UGGT1: variants seen among roughly 807,000 people sequenced by gnomAD.
UGGT1 encodes UDP-glucose glycoprotein glucosyltransferase 1, also known as UDP-glucose:glycoprotein glucosyltransferase 1.
In UGGT1, 107 loss-of-function variants were observed where a neutral mutation model predicts 203.9. That is an observed-to-expected ratio of 0.52 (90% CI 0.45 to 0.62). UGGT1 has a LOEUF of 0.62. Ranked by LOEUF, UGGT1 falls within the 20% of genes least tolerant of loss-of-function variation. UGGT1 has a pLI of 0.00. For missense variants in UGGT1, 1,673 were observed against 1,867.2 expected (o/e 0.90, Z 1.92); for synonymous variants, 628 against 653.5 (o/e 0.96, Z 0.59).
Position 128,186,693 on chromosome 2 carries a change from A to G in UGGT1, c.4370A>G (p.Asn1457Ser), listed in dbSNP as rs997699742. Residue 1457 changes from asparagine (N) to serine (S), a missense_variant, in exon 39 of 41, where the codon AAT (asparagine) becomes AGT (serine). Coordinates refer to ENST00000259253, the MANE Select transcript of UGGT1 (RefSeq NM_020120.4). ...SLSNLDQDLPNNMIHQVPIKS... is the reference protein window; with the variant it reads ...SLSNLDQDLPSNMIHQVPIKS... Reference sequence around the variant, plus strand: ...TTTTTAACCAAACAGGATCTGCCCAATAACATGATTCATCAGGTGCCAATT... The same window carrying G: ...TTTTTAACCAAACAGGATCTGCCCAGTAACATGATTCATCAGGTGCCAATT... The G allele has an allele frequency of 8.1e-6, 13 of 1,613,092 alleles. No individual in the cohort carries two copies. The highest frequency in any genetic ancestry group is 1.1e-5 in the Non-Finnish European group (13 of 1,179,380).
chr2:128,152,188 T>C (rs916982063), intron 18 of UGGT1, among the ~76,000 whole-genome samples: 28 of 152,054 alleles, frequency 1.8e-4, no homozygotes, highest in African/African-American at 6.3e-4. Flanking sequence ...TTTTTTTTTT[T>C]CCTTGGGACA....
chr2:128,145,823 G>C lies in UGGT1; in HGVS notation c.1872G>C (p.Glu624Asp), dbSNP rs142802070. The change falls in exon 18 of 41, where the codon GAG becomes GAC. Residue 624 changes from glutamate (E) to aspartate (D), a missense_variant. This residue lies in a region of UGGT1 where 1,073 missense variants were observed against 1,078.7 expected (regional missense o/e 0.99). Transcript: ENST00000259253. ...TTCAGGAAGCAAGAGGCTACTATGA[G>C]CAGACTGGAGTTGGACCTCTGCCCG... ...RNRKEARGYY[E>D]QTGVGPLPVV... The C allele has an allele frequency of 3.1e-6, 5 of 1,603,512 alleles. No homozygotes were observed. The highest frequency in any genetic ancestry group is 4.3e-6 in the Non-Finnish European group (5 of 1,173,598).
At chr2:128,160,660 C>G (rs1460935860) in intron 24 of UGGT1, 69 bp downstream of exon 24, 1 of 1,528,548 alleles carries the variant, frequency 6.5e-7, no homozygotes, top group Non-Finnish European at 8.8e-7. Flanking sequence ...TCCTCTGAAG[C>G]TAGTAAACTC....
intron 2 of UGGT1, among the ~76,000 whole-genome samples, chr2:128,101,480 T>G (rs983576564): frequency 5.3e-5 from 8 of 152,254 alleles, no homozygotes; most frequent in Non-Finnish European, 1.2e-4. Context: ...ATATGTTTTC[T>G]GCAGCTGTAG....
intron 5 of UGGT1, among the ~76,000 whole-genome samples, chr2:128,111,452 A>C (rs998201100): frequency 6.6e-6 from 1 of 152,204 alleles, no homozygotes; most frequent in African/African-American, 2.4e-5. Context: ...TAATATGCTG[A>C]ATGTCATCCT....
intron 5 of UGGT1, among the ~76,000 whole-genome samples, chr2:128,111,161 G>A (rs760703055): frequency 9.9e-5 from 15 of 152,114 alleles, no homozygotes; most frequent in Non-Finnish European, 1.6e-4. Context: ...CAGACCAACC[G>A]GTGCAACAAA....
chr2:128,111,545 G>T (rs577651497), intron 5 of UGGT1, among the ~76,000 whole-genome samples: 1 of 151,434 alleles, frequency 6.6e-6, no homozygotes, highest in Non-Finnish European at 1.5e-5. Flanking sequence ...TCGCTCTGTC[G>T]CCCAGGCTGG....
At chr2:128,114,480 T>A (rs2105372189) in intron 6 of UGGT1, among the ~76,000 whole-genome samples, 1 of 152,280 alleles carries the variant, frequency 6.6e-6, no homozygotes, top group Non-Finnish European at 1.5e-5. Context: ...TTTTTGATTC[T>A]CCCTCTGCCC....
chr2:128,144,880 T>C (rs1689607168), intron 17 of UGGT1, among the ~76,000 whole-genome samples: 1 of 152,194 alleles, frequency 6.6e-6, no homozygotes, highest in South Asian at 2.1e-4. Flanking sequence ...AATTACAAGG[T>C]GTGCGATAGA....
chr2:128,132,581 T>G (rs1228985075), intron 13 of UGGT1, among the ~76,000 whole-genome samples: 2 of 152,188 alleles, frequency 1.3e-5, no homozygotes, highest in African/African-American at 2.4e-5. Context: ...AAATTTCGCT[T>G]CTTTCTTTTA....
At chr2:128,160,051 C>A (rs1156321352) in intron 23 of UGGT1, among the ~76,000 whole-genome samples, 1 of 152,082 alleles carries the variant, frequency 6.6e-6, no homozygotes, top group Non-Finnish European at 1.5e-5. Context: ...TGATGTGTTT[C>A]CAGAATAAGC....
rs143559096 is a variant in UGGT1 at position 128,110,895 on chromosome 2, G to C, written c.521+1149G>C. ...AAGTCATTTCCTCCTGTTACAATAA[G>C]GCTATATGGAGCATCTGTATTCATG... On this transcript the variant is annotated intron_variant, in intron 5 of 40. Coordinates refer to ENST00000259253, the MANE Select transcript of UGGT1 (RefSeq NM_020120.4). 5.3e-3 allele frequency among the ~76,000 whole-genome samples: 802 copies of C among 152,224 alleles called. 12 individuals are homozygous for C. Among genetic ancestry groups the C allele is most frequent in the African/African-American group, 0.017 (709 of 41,534 alleles).
chr2:128,127,594 T>G (rs896028212), intron 12 of UGGT1, 142 bp downstream of exon 12: 1 of 628,266 alleles, frequency 1.6e-6, no homozygotes, highest in Non-Finnish European at 2.9e-6. Context: ...ACGTAGGTAG[T>G]AGGCACATGC....
At position 128,157,306 on chromosome 2, in the gene UGGT1, C is replaced by T. The variant is rs189939076; in HGVS notation, c.2315C>T (p.Pro772Leu). ...TFWIVGDFDS[P>L]SGRQLLYDAI... is the part of the protein sequence containing the mutation. ...TGGATTGTTGGGGATTTTGATAGCC[C>T]TTCTGGACGGCAGTTACTGTATGAT... The change falls in exon 22 of 41, where the codon CCT becomes CTT. Residue 772 changes from proline (P) to leucine (L), a missense_variant. Pro to Leu is a moderately conservative substitution (Grantham distance 98, BLOSUM62 -3). Coordinates refer to ENST00000259253, the MANE Select transcript of UGGT1 (RefSeq NM_020120.4). 1 of 1,614,058 alleles carries T rather than the reference C, an allele frequency of 6.2e-7. No individual in the cohort carries two copies. The highest frequency in any genetic ancestry group is 1.3e-5 in the African/African-American group (1 of 74,986).
chr2:128,179,903 A>G (rs1485566029), intron 35 of UGGT1, 33 bp downstream of exon 35: 1 of 1,569,324 alleles, frequency 6.4e-7, no homozygotes, highest in South Asian at 1.1e-5. Flanking sequence ...AAACATTCTT[A>G]TTAAGGAGAT....
rs1337212661 is a variant in UGGT1 at position 128,172,518 on chromosome 2, C to T, written c.3105-55C>T. On this transcript the variant is annotated intron_variant, in intron 28 of 40. Coordinates refer to ENST00000259253, the MANE Select transcript of UGGT1 (RefSeq NM_020120.4). ...TTGTTACCTGTGTAAGGGCTGTGCACTCAAGTCCTGTTGTCACATCGAAAA... is the reference window on the plus strand; with the variant it reads ...TTGTTACCTGTGTAAGGGCTGTGCATTCAAGTCCTGTTGTCACATCGAAAA... 3 of 1,580,672 alleles carry T rather than the reference C, an allele frequency of 1.9e-6. No homozygotes were observed. In the Admixed American group the frequency reaches 5.0e-5, roughly 27 times the overall value.
intron 16 of UGGT1, among the ~76,000 whole-genome samples, chr2:128,140,754 A>G (rs1405071330): frequency 6.6e-6 from 1 of 152,078 alleles, no homozygotes; most frequent in Non-Finnish European, 1.5e-5. Context: ...AGGGTTTACT[A>G]CAGCCTTGAA....
At chr2:128,093,711 A>G (rs139819561) in intron 1 of UGGT1, among the ~76,000 whole-genome samples, 35 of 152,344 alleles carry the variant, frequency 2.3e-4, no homozygotes, top group African/African-American at 8.4e-4. Context: ...AGAAGAGAGC[A>G]CGGTATTGTA....
chr2:128,118,005 AG>A, intron 8 of UGGT1, among the ~76,000 whole-genome samples: 1 of 151,686 alleles, frequency 6.6e-6, no homozygotes, highest in African/African-American at 2.4e-5. Flanking sequence ...AGAGAGAGAG[AG>A]AGAGAGAGAG....
Sources: allele counts gnomAD v4.1 joint callset (sites outside exome capture counted in the v4.1 genomes callset), GRCh38; gene constraint gnomAD v4.1.1; regional missense constraint gnomAD v4.1.1; transcripts MANE v1.5; gene names NCBI Gene and HGNC (gene_info 2026-07-23, HGNC 2026-07-21).